AATK: variants seen among roughly 807,000 people sequenced by gnomAD.
The protein encoded by AATK is lemur tail kinase 1, also known as serine/threonine-protein kinase LMTK1.
Under a neutral mutation model 114.3 loss-of-function variants are expected in AATK, and 91 were observed. That is an observed-to-expected ratio of 0.80 (90% CI 0.67 to 0.95). AATK has a LOEUF of 0.95. Ranked by LOEUF, AATK falls within the 40% of genes least tolerant of loss-of-function variation. AATK has a pLI of 0.00. For missense variants in AATK, 2,176 were observed against 1,965.2 expected, an observed-to-expected ratio of 1.11 and a Z score of -2.03; for synonymous variants, 1,075 against 916.5, an observed-to-expected ratio of 1.17 and a Z score of -3.12.
chr17:81,154,319 CTTTTTTTTTT>C (rs202002919), intron 1 of AATK, among the ~76,000 whole-genome samples: 1 of 113,806 alleles, frequency 8.8e-6, no homozygotes, highest in African/African-American at 3.6e-5. Flanking sequence ...TTTTTTCTTT[CTTTTTTTTTT>C]TTTTTTTTTG....
At chr17:81,145,148 G>A (rs968876399) in intron 1 of AATK, among the ~76,000 whole-genome samples, 4 of 150,532 alleles carry the variant, frequency 2.7e-5, no homozygotes, top group East Asian at 2.0e-4. Context: ...CGGGAAAATC[G>A]CTTGAACTCC....
chr17:81,121,968 C>T lies in AATK; in HGVS notation c.1968G>A (p.Leu656=), dbSNP rs544139724. The part of the protein sequence containing the change: ...SPLGSSGAPP[L]PLTGEDELEE... ...CTAGCTCATCCTCGCCAGTCAGCGG[C>T]AGCGGGGGCGCCCCTGAGCTCCCCA... The change falls in exon 11 of 14, where the codon CTG becomes CTA. Residue 656 remains leucine (L), a synonymous_variant. Transcript: ENST00000326724. 2.6e-5 allele frequency: 42 copies of T among 1,600,006 alleles called. No individual in the cohort carries two copies. The highest frequency in any genetic ancestry group is 3.4e-5 in the Non-Finnish European group (40 of 1,177,260).
Position 81,121,229 on chromosome 17 carries a change from G to T in AATK, c.2707C>A (p.Leu903Met). 1 of 1,606,470 alleles carries T rather than the reference G, an allele frequency of 6.2e-7. No individual in the cohort carries two copies. The highest frequency in any genetic ancestry group is 8.5e-7 in the Non-Finnish European group (1 of 1,177,024). ...GAGGACGGGATGTCCAGGGAGTCCA[G>T]GGAGTCGGGGGTCCCCACCTGCTTC... The part of the protein sequence containing the change: ...LQKQVGTPDS[L>M]DSLDIPSSAS... Residue 903 changes from leucine (L) to methionine (M), a missense_variant, in exon 11 of 14, where the codon CTG (leucine) becomes ATG (methionine). Transcript: ENST00000326724.
At chr17:81,154,342 A>G (rs980184184) in intron 1 of AATK, among the ~76,000 whole-genome samples, 4 of 103,704 alleles carry the variant, frequency 3.9e-5, no homozygotes, top group African/African-American at 1.2e-4. Flanking sequence ...TTTTTTTGAG[A>G]TGGAGTCTTG....
rs369355218 is a variant in AATK at position 81,119,528 on chromosome 17, G to A, written c.3936C>T (p.Ala1312=). The stretch of plus-strand genomic sequence containing the variant: ...CGGCCGGGTCTAGGGCCATGGCGAA[G>A]GCTGCCTTGGCCGTCATCAGCGGGA... The part of the protein sequence containing the change: ...DDFPLMTAKA[A]FAMALDPAAP... Residue 1312 remains alanine (A), a synonymous_variant, in exon 13 of 14, where the codon GCC becomes GCT. Coordinates refer to ENST00000326724, the MANE Select transcript of AATK (RefSeq NM_001080395.3). 3 of 1,574,370 alleles carry A rather than the reference G, an allele frequency of 1.9e-6. No homozygotes were observed. Among genetic ancestry groups the A allele is most frequent in the African/African-American group, 1.4e-5 (1 of 71,396 alleles).
chr17:81,154,818 C>T (rs1160833008), intron 1 of AATK, among the ~76,000 whole-genome samples: 7 of 110,816 alleles, frequency 6.3e-5, no homozygotes, highest in Admixed American at 2.3e-4. Flanking sequence ...TTAGTAGAGA[C>T]GGGGTTTCAA....
intron 6 of AATK, 31 bp downstream of exon 6, chr17:81,127,549 AAAG>A: frequency 6.4e-7 from 1 of 1,565,292 alleles, no homozygotes; most frequent in Non-Finnish European, 8.7e-7. Context: ...CCGGCTCAGC[AAAG>A]ACCCCAGCAT....
In AATK at chr17:81,126,166, A is replaced by G. The variant is rs2060818936; in HGVS notation, c.755+261T>C. On this transcript the variant is annotated intron_variant, in intron 7 of 13. Coordinates refer to ENST00000326724, the MANE Select transcript of AATK (RefSeq NM_001080395.3). This position sits in a 1 kb window ranked among gnomAD's most constrained non-coding sequence, Gnocchi z 5.1. ...GCGCGGGGCTGCAGGGTGCTGGCTG[A>G]CTGCCTCGGGGACAGAGAACAGGCC... Among the ~76,000 whole-genome samples the G allele has an allele frequency of 6.6e-6, 1 of 152,128 alleles. No individual in the cohort carries two copies. The highest frequency in any genetic ancestry group is 6.5e-5 in the Admixed American group (1 of 15,288).
At chr17:81,155,344 C>T (rs769662417) in intron 1 of AATK, among the ~76,000 whole-genome samples, 6 of 152,082 alleles carry the variant, frequency 3.9e-5, no homozygotes, top group African/African-American at 1.4e-4. Flanking sequence ...CATAGTAGCA[C>T]GGCTTCATAT....
rs1442333429 is a variant in AATK, at chr17:81,131,128, C to T, written c.267G>A (p.Gly89=). 6 of 1,566,248 alleles carry T rather than the reference C, an allele frequency of 3.8e-6. No homozygotes were observed. The African/African-American group carries it at 8.1e-5, about 21-fold the overall frequency. ...QGSPATAAQN[G]PDVYVLPLTE... is the part of the protein sequence containing the mutation. Reference sequence around the variant, plus strand: ...TGAGTGGCAGGACGTACACGTCGGGCCCGTTCTGTGCTGCCGTGGCCGGGG... The same window carrying T: ...TGAGTGGCAGGACGTACACGTCGGGTCCGTTCTGTGCTGCCGTGGCCGGGG... The change falls in exon 3 of 14, where the codon GGG becomes GGA. Residue 89 remains glycine, a synonymous_variant. Transcript: ENST00000326724.
At chr17:81,149,653 C>A (rs951637350) in intron 1 of AATK, among the ~76,000 whole-genome samples, 1 of 152,210 alleles carries the variant, frequency 6.6e-6, no homozygotes, top group Non-Finnish European at 1.5e-5. Context: ...CTGGGCTTGG[C>A]TCCCATGGCC....
At chr17:81,157,607 A>T (rs1180131974) in intron 1 of AATK, among the ~76,000 whole-genome samples, 2 of 152,196 alleles carry the variant, frequency 1.3e-5, no homozygotes, top group Non-Finnish European at 2.9e-5. Flanking sequence ...GACGGAAGTG[A>T]GTTCCACCAG....
chr17:81,133,557 C>T (rs1441546449), intron 2 of AATK, among the ~76,000 whole-genome samples: 1 of 152,170 alleles, frequency 6.6e-6, no homozygotes, highest in South Asian at 2.1e-4. Flanking sequence ...CCCCCGTGGG[C>T]GTGTGAACCA....
In AATK at chr17:81,124,851, G is replaced by A. The variant is rs2060775292; in HGVS notation, c.841-3C>T. On this transcript the variant is annotated splice_polypyrimidine_tract_variant and splice_region_variant and intron_variant, in intron 8 of 13. Transcript: ENST00000326724. The stretch of plus-strand genomic sequence containing the variant: ...TCGGCAGTCACGAAGTAGTCCTCCT[G>A]TTGGCACAGGGACGGGTCACCCCTG... 2.5e-6 allele frequency: 4 copies of A among 1,606,648 alleles called. No individual in the cohort carries two copies. Among genetic ancestry groups the A allele is most frequent in the Non-Finnish European group, 3.4e-6 (4 of 1,176,812 alleles).
chr17:81,119,626 C>G, intron 12 of AATK, 46 bp from the exon 13 acceptor site: 1 of 1,503,012 alleles, frequency 6.7e-7, no homozygotes, highest in Non-Finnish European at 8.9e-7. Context: ...GCCTGGGACC[C>G]CGGCCCGGCC....
Position 81,121,875 on chromosome 17 carries a change from G to C in AATK, c.2061C>G (p.Asn687Lys), listed in dbSNP as rs554007171. 1 of 1,598,766 alleles carries C rather than the reference G, an allele frequency of 6.3e-7. No individual in the cohort carries two copies. Among genetic ancestry groups the C allele is most frequent in the African/African-American group, 1.3e-5 (1 of 74,988 alleles). The change falls in exon 11 of 14, where the codon AAC becomes AAG. Residue 687 changes from asparagine (N) to lysine (K), a missense_variant. Transcript: ENST00000326724. Reference protein sequence around the residue: ...HWRSNVSANNNSGSRCPESWD... With the variant: ...HWRSNVSANNKSGSRCPESWD... Reference sequence around the variant, plus strand: ...AGGACTCTGGACAGCGGCTGCCGCTGTTGTTGTTGGCTGACACGTTGGAGC... The same window carrying C: ...AGGACTCTGGACAGCGGCTGCCGCTCTTGTTGTTGGCTGACACGTTGGAGC...
intron 1 of AATK, among the ~76,000 whole-genome samples, chr17:81,157,294 C>T (rs896456602): frequency 2.6e-5 from 4 of 152,214 alleles, no homozygotes; most frequent in South Asian, 2.1e-4. Flanking sequence ...GGGCCCGGGC[C>T]GGGTCCATCC....
At position 81,128,476 on chromosome 17, in the gene AATK, G is replaced by A. The variant is rs201741568; in HGVS notation, c.408C>T (p.Phe136=). 23 of 1,548,934 alleles carry A rather than the reference G, an allele frequency of 1.5e-5. No individual in the cohort carries two copies. The highest frequency in any genetic ancestry group is 7.3e-5 in the East Asian group (3 of 40,914). Residue 136 remains phenylalanine, a synonymous_variant, in exon 4 of 14, where the codon TTC becomes TTT. Coordinates refer to ENST00000326724, the MANE Select transcript of AATK (RefSeq NM_001080395.3). The stretch of plus-strand genomic sequence containing the variant: ...TCCCAGGCGGGACACGTACCTTCCC[G>A]AACCAGCCACGGCCGATTTCCTTCA... ...LYLKEIGRGW[F]GKVFLGEVNS...
chr17:81,143,119 C>T (rs8071491), intron 1 of AATK, among the ~76,000 whole-genome samples: 99,567 of 152,114 alleles, frequency 0.65, 33,470 homozygotes, highest in African/African-American at 0.77. Context: ...TCGAAGGCCA[C>T]GGGAGAGTTC....
Sources: allele counts gnomAD v4.1 joint callset (sites outside exome capture counted in the v4.1 genomes callset), GRCh38; gene constraint gnomAD v4.1.1; non-coding constraint Gnocchi (gnomAD v3.1); transcripts MANE v1.5; gene names NCBI Gene and HGNC (gene_info 2026-07-23, HGNC 2026-07-21).